SEC23B: variants seen among roughly 807,000 people sequenced by gnomAD.
The protein encoded by SEC23B is protein transport protein Sec23B.
Under a neutral mutation model 104.3 loss-of-function variants are expected in SEC23B, and 77 were observed. The observed-to-expected ratio is 0.74, with a 90% CI of 0.61 to 0.89. The LOEUF (loss-of-function observed/expected upper bound fraction) is 0.89. Ranked by LOEUF, SEC23B falls within the 40% of genes least tolerant of loss-of-function variation. The pLI, the probability that SEC23B is intolerant of heterozygous loss-of-function variation, is 0.00. For missense variants in SEC23B, 885 were observed against 949.4 expected, an observed-to-expected ratio of 0.93 and a Z score of 0.89; for synonymous variants, 338 against 332.5, an observed-to-expected ratio of 1.02 and a Z score of -0.18.
chr20:18,533,352 G>C lies in SEC23B; in HGVS notation c.1314+608G>C, dbSNP rs375300914. On this transcript the variant is annotated intron_variant, in intron 11 of 19. Coordinates refer to ENST00000650089, the MANE Select transcript of SEC23B (RefSeq NM_006363.6). ...GAGGCAAACCATTCGGTTTGGCAAG[G>C]CCTCTCTAAGGTGGTCCTGGGCTGG... is the stretch of plus-strand genomic sequence containing the variant. Among the ~76,000 whole-genome samples the C allele has an allele frequency of 2.6e-5, 4 of 152,170 alleles. No homozygotes were observed. In the East Asian group the frequency reaches 7.7e-4, roughly 29 times the overall value.
chr20:18,517,689 G>A (rs566978972), intron 4 of SEC23B, among the ~76,000 whole-genome samples: 29 of 152,312 alleles, frequency 1.9e-4, no homozygotes, highest in South Asian at 8.3e-4. Context: ...TAGGGGCAGC[G>A]TGGGAACCTA....
intron 18 of SEC23B, 106 bp from the exon 19 acceptor site, chr20:18,554,979 GATTACTGTGCAGTAAAACAATTC>G: frequency 6.2e-6 from 1 of 161,514 alleles, no homozygotes; most frequent in Admixed American, 6.2e-5. Context: ...ATTCTAATTA[GATTACTGTGCAGTAAAACAATTC>G]TAATTTAACC....
intron 13 of SEC23B, 146 bp downstream of exon 13, chr20:18,542,548 G>A (rs1341756825): frequency 7.2e-6 from 6 of 834,958 alleles, no homozygotes; most frequent in South Asian, 1.4e-5. Flanking sequence ...AGAGGAGGAG[G>A]CATTTTTGGC....
intron 2 of SEC23B, 85 bp downstream of exon 2, chr20:18,511,141 G>C (rs1024147482): frequency 8.7e-7 from 1 of 1,155,132 alleles, no homozygotes; most frequent in African/African-American, 1.5e-5. Context: ...CATTAAATTT[G>C]GGCAGGTCAT....
chr20:18,526,042 T>A (rs2060131194), intron 7 of SEC23B, 110 bp downstream of exon 7: 2 of 1,279,918 alleles, frequency 1.6e-6, no homozygotes, highest in African/African-American at 2.9e-5. Context: ...CCGTCTGTGT[T>A]AATGTATCAG....
Position 18,560,737 on chromosome 20 carries a change from T to C in SEC23B, c.2301T>C (p.Cys767=). 2 of 1,611,982 alleles carry C rather than the reference T, an allele frequency of 1.2e-6. No individual in the cohort carries two copies. Among genetic ancestry groups the C allele is most frequent in the African/African-American group, 1.3e-5 (1 of 74,868 alleles). ...HLKKLAVSSA[C] ...AGAAGCTGGCTGTCTCCAGTGCCTG[T>C]TAAGCTGAGGATACAACCAGGAAAT... Residue 767 remains cysteine (C), a synonymous_variant, in exon 20 of 20, where the codon TGT becomes TGC. Coordinates refer to ENST00000650089, the MANE Select transcript of SEC23B (RefSeq NM_006363.6).
intron 6 of SEC23B, 39 bp downstream of exon 6, chr20:18,525,059 G>C (rs765998362): frequency 1.3e-6 from 2 of 1,543,670 alleles, no homozygotes; most frequent in South Asian, 1.1e-5. Flanking sequence ...TATTGTGATG[G>C]ACATGCAGAT....
At chr20:18,558,266 T>C (rs2060459918) in intron 19 of SEC23B, among the ~76,000 whole-genome samples, 1 of 152,196 alleles carries the variant, frequency 6.6e-6, no homozygotes, top group Admixed American at 6.5e-5. Flanking sequence ...TCAGTCTCAT[T>C]GTTTTCCCCT....
intron 19 of SEC23B, 149 bp downstream of exon 19, chr20:18,555,322 C>G: frequency 1.4e-6 from 1 of 695,752 alleles, no homozygotes; most frequent in Non-Finnish European, 2.5e-6. Context: ...GGGAGGGAAA[C>G]AAGTTGAATA....
intron 3 of SEC23B, 68 bp downstream of exon 3, chr20:18,512,350 A>C: frequency 9.4e-7 from 1 of 1,062,608 alleles, no homozygotes; most frequent in South Asian, 1.4e-5. Flanking sequence ...AAATTAAGTT[A>C]GGTTGAATTT....
intron 19 of SEC23B, among the ~76,000 whole-genome samples, chr20:18,556,976 A>G (rs1190299224): frequency 6.6e-6 from 1 of 152,244 alleles, no homozygotes; most frequent in East Asian, 1.9e-4. Context: ...AGCCTGGGCA[A>G]CAGAGCAAGA....
intron 14 of SEC23B, among the ~76,000 whole-genome samples, chr20:18,544,941 G>A (rs1472089708): frequency 1.3e-5 from 2 of 152,178 alleles, no homozygotes; most frequent in East Asian, 3.8e-4. Context: ...CTGCATGAGT[G>A]GTGTTGAGGT....
intron 12 of SEC23B, among the ~76,000 whole-genome samples, chr20:18,539,622 C>T (rs1171844259): frequency 1.3e-5 from 2 of 150,872 alleles, no homozygotes; most frequent in East Asian, 3.9e-4. Flanking sequence ...CAGGCGTGAG[C>T]CACCACACCC....
At chr20:18,534,090 T>C (rs1477246425) in intron 11 of SEC23B, among the ~76,000 whole-genome samples, 1 of 152,248 alleles carries the variant, frequency 6.6e-6, no homozygotes, top group African/African-American at 2.4e-5. Context: ...CCATAATTGC[T>C]CTGTTGTCTT....
chr20:18,515,479 G>C (rs6045443), intron 3 of SEC23B, among the ~76,000 whole-genome samples, 171 bp from the exon 4 acceptor site: 1 of 152,222 alleles, frequency 6.6e-6, no homozygotes, highest in African/African-American at 2.4e-5. Flanking sequence ...CCCAACTAAT[G>C]TTTTTACTTC....
At chr20:18,521,398 G>A (rs2148894657) in intron 4 of SEC23B, among the ~76,000 whole-genome samples, 1 of 152,176 alleles carries the variant, frequency 6.6e-6, no homozygotes, top group East Asian at 1.9e-4. Flanking sequence ...GCGTCTAAGG[G>A]TTTTTGCCAA....
At chr20:18,539,028 A>T (rs1485190069) in intron 12 of SEC23B, among the ~76,000 whole-genome samples, 3 of 136,848 alleles carry the variant, frequency 2.2e-5, no homozygotes, top group Non-Finnish European at 4.7e-5. Context: ...ACATGGTGAA[A>T]CCCCGTCTCT....
intron 19 of SEC23B, 134 bp from the exon 20 acceptor site, chr20:18,560,517 G>A (rs1430517342): frequency 4.1e-6 from 3 of 736,250 alleles, no homozygotes; most frequent in Non-Finnish European, 7.4e-6. Context: ...GTGAGGCAGA[G>A]GATGGGGTGA....
chr20:18,512,428 G>T, intron 3 of SEC23B, 146 bp downstream of exon 3: 1 of 607,594 alleles, frequency 1.6e-6, no homozygotes, highest in South Asian at 2.1e-5. Flanking sequence ...GCACAATATT[G>T]AATTTGAACA....
Sources: allele counts gnomAD v4.1 joint callset (sites outside exome capture counted in the v4.1 genomes callset), GRCh38; gene constraint gnomAD v4.1.1; transcripts MANE v1.5; gene names NCBI Gene and HGNC (gene_info 2026-07-23, HGNC 2026-07-21).